Variants in AGBL5 observed in about 807,000 individuals in gnomAD.
AGBL5 encodes AGBL carboxypeptidase 5, also known as cytosolic carboxypeptidase-like protein 5.
A neutral mutation model predicts 88.0 loss-of-function variants in AGBL5; 51 were observed. The observed-to-expected ratio is 0.58, with a 90% CI of 0.46 to 0.73. The LOEUF is 0.73. Ranked by LOEUF, AGBL5 falls within the 30% of genes least tolerant of loss-of-function variation. The pLI is 0.00. For missense variants in AGBL5, 1,031 were observed against 1,162.2 expected (o/e 0.89, Z 1.64); for synonymous variants, 446 against 438.8 (o/e 1.02, Z -0.21).
Position 27,058,461 on chromosome 2 carries a change from T to C in AGBL5, c.1733T>C (p.Ile578Thr), listed in dbSNP as rs375155197. Residue 578 changes from isoleucine (I) to threonine (T), a missense_variant, in exon 10 of 15, where the codon ATT becomes ACT. Around this residue, in one of 2 missense-constraint regions of AGBL5, gnomAD observed 491 missense variants for 484.0 expected, o/e 1.01. Coordinates refer to ENST00000360131, the MANE Select transcript of AGBL5 (RefSeq NM_021831.6). ...DMAECNPWPR[I>T]VLSEHSSLTN... ...GCGGAATGTAATCCGTGGCCCCGAA[T>C]TGTACTGTCAGAGCACAGCAGCCTT... The C allele has an allele frequency of 1.5e-5, 25 of 1,613,926 alleles. No homozygotes were observed. Among genetic ancestry groups the C allele is most frequent in the South Asian group, 9.9e-5 (9 of 91,084 alleles).
rs995509773 is a variant in AGBL5, at chr2:27,051,702, T to G, written c.-138T>G. The G allele has an allele frequency of 7.2e-5, 11 of 152,296 alleles. No homozygotes were observed. Among genetic ancestry groups the G allele is most frequent in the African/African-American group, 2.4e-4 (10 of 41,556 alleles). 9.4% of individuals were successfully genotyped at this position (152,296 alleles called of 1,614,324 possible). ...TCCCGGCACCGCGGCGCTCGGGTGT[T>G]TTTGGGGGCCCGGGTGGAGGGCCCG... On this transcript the variant is annotated 5_prime_UTR_variant, in exon 1 of 15. Coordinates refer to ENST00000360131, the MANE Select transcript of AGBL5 (RefSeq NM_021831.6).
At position 27,067,589 on chromosome 2, in the gene AGBL5, C is replaced by T; in HGVS notation, c.2185C>T (p.Pro729Ser). 1 of 1,614,032 alleles carries T rather than the reference C, an allele frequency of 6.2e-7. No homozygotes were observed. Among genetic ancestry groups the T allele is most frequent in the South Asian group, 1.1e-5 (1 of 91,064 alleles). Reference protein sequence around the residue: ...APSPAPTSSGPASSHKLGSCL... With the variant: ...APSPAPTSSGSASSHKLGSCL... ...ATCCCCAGCTCCTACTAGTTCTGGC[C>T]CAGCCTCCTCACACAAGCTGGGCTC... The change falls in exon 12 of 15, where the codon CCA (proline) becomes TCA (serine). Residue 729 changes from proline (P) to serine (S), a missense_variant. By Grantham distance (74) the Pro-to-Ser change is moderately conservative. Coordinates refer to ENST00000360131, the MANE Select transcript of AGBL5 (RefSeq NM_021831.6).
In AGBL5 at chr2:27,052,995, C is replaced by T. The variant is rs745987547; in HGVS notation, c.37C>T (p.Arg13Cys). The change falls in exon 2 of 15, where the codon CGC (arginine) becomes TGC (cysteine). Residue 13 changes from arginine (R) to cysteine (C), a missense_variant. By Grantham distance (180) the Arg-to-Cys change is radical (BLOSUM62 -3). This residue lies in a region of AGBL5 where 540 missense variants were observed against 678.2 expected (regional missense o/e 0.80). Transcript: ENST00000360131. The stretch of plus-strand genomic sequence containing the variant: ...CTGTGGGGGATTGCTGTTCAGTTCT[C>T]GCTTTGATTCAGGGAATCTAGCCCA... ...LRCGGLLFSS[R>C]FDSGNLAHVE... The T allele has an allele frequency of 8.1e-6, 13 of 1,613,082 alleles. No individual in the cohort carries two copies. The highest frequency in any genetic ancestry group is 1.7e-5 in the Admixed American group (1 of 59,872).
intron 6 of AGBL5, 76 bp downstream of exon 6, chr2:27,055,329 C>T: frequency 6.5e-7 from 1 of 1,540,878 alleles, no homozygotes. Context: ...ATTCTGTCAG[C>T]CTTCTGGCTT....
chr2:27,050,659 C>A (rs963971594), upstream of AGBL5, among the ~76,000 whole-genome samples: 1 of 152,268 alleles, frequency 6.6e-6, no homozygotes, highest in African/African-American at 2.4e-5. Context: ...TTTCTCAGCT[C>A]TGTGAGGTCC....
intron 12 of AGBL5, 129 bp from the exon 13 acceptor site, chr2:27,068,503 C>T (rs2148305683): frequency 4.2e-6 from 3 of 719,110 alleles, no homozygotes; most frequent in East Asian, 2.7e-5. Flanking sequence ...ATGCACAAGA[C>T]TACTCCCCAC....
chr2:27,053,389 C>A lies in AGBL5; in HGVS notation c.216-13C>A, dbSNP rs1469436250. 1 of 1,613,372 alleles carries A rather than the reference C, an allele frequency of 6.2e-7. No homozygotes were observed. The highest frequency in any genetic ancestry group is 1.1e-5 in the South Asian group (1 of 90,948). Reference sequence around the variant, plus strand: ...TCCACACGTAATGACCTCTCTCTTACTCTGGTCCTCAGGTCATGGTTCTAC... The same window carrying A: ...TCCACACGTAATGACCTCTCTCTTAATCTGGTCCTCAGGTCATGGTTCTAC... On this transcript the variant is annotated splice_polypyrimidine_tract_variant and intron_variant, in intron 2 of 14. Transcript: ENST00000360131. The surrounding 1 kb of genome is among the most constrained non-coding windows in gnomAD (Gnocchi z 4.9).
At chr2:27,057,522 C>A in intron 9 of AGBL5, 84 bp downstream of exon 9, 1 of 1,442,760 alleles carries the variant, frequency 6.9e-7, no homozygotes, top group South Asian at 1.4e-5. Flanking sequence ...ACTCTAAGGT[C>A]CTTTGAAGAG....
At chr2:27,054,563 G>A in intron 4 of AGBL5, 67 bp from the exon 5 acceptor site, 3 of 1,491,482 alleles carry the variant, frequency 2.0e-6, no homozygotes, top group African/African-American at 1.4e-5. Flanking sequence ...TCCTGGGCTG[G>A]TGACAAGGCC....
chr2:27,056,717 G>T lies in AGBL5; in HGVS notation c.1460G>T (p.Arg487Leu). 1 of 1,613,896 alleles carries T rather than the reference G, an allele frequency of 6.2e-7. No individual in the cohort carries two copies. Among genetic ancestry groups the T allele is most frequent in the Non-Finnish European group, 8.5e-7 (1 of 1,179,842 alleles). The change falls in exon 8 of 15, where the codon CGA (arginine) becomes CTA (leucine). Residue 487 changes from arginine to leucine, a missense_variant. Around this residue, in one of 2 missense-constraint regions of AGBL5, gnomAD observed 540 missense variants for 678.2 expected, o/e 0.80. Coordinates refer to ENST00000360131, the MANE Select transcript of AGBL5 (RefSeq NM_021831.6). ...CNFSEKNMYA[R>L]DRRDGQSKEG... ...TTCTCAGAGAAGAATATGTATGCCC[G>T]AGACCGTAGAGATGGCCAGTCTAAA...
In AGBL5 at chr2:27,055,794, C is replaced by G; in HGVS notation, c.1021C>G (p.Arg341Gly). The G allele has an allele frequency of 3.1e-6, 5 of 1,614,214 alleles. No individual in the cohort carries two copies. Among genetic ancestry groups the G allele is most frequent in the Non-Finnish European group, 4.2e-6 (5 of 1,180,036 alleles). ...AVLLYHHVHSRLNSQSSSEHQ... is the reference protein window; with the variant it reads ...AVLLYHHVHSGLNSQSSSEHQ... ...GCTTCTCTACCACCATGTGCACTCT[C>G]GTCTGAACTCCCAGAGTTCCTCTGA... is the stretch of plus-strand genomic sequence containing the variant. The change falls in exon 7 of 15, where the codon CGT becomes GGT. Residue 341 changes from arginine (R) to glycine (G), a missense_variant. Transcript: ENST00000360131.
chr2:27,068,703 G>A lies in AGBL5; in HGVS notation c.2314G>A (p.Gly772Arg). 1.2e-6 allele frequency: 2 copies of A among 1,614,156 alleles called. No homozygotes were observed. Among genetic ancestry groups the A allele is most frequent in the Non-Finnish European group, 1.7e-6 (2 of 1,180,026 alleles). ...AVMVIGKGLLGTGARMPCIKT... is the reference protein window; with the variant it reads ...AVMVIGKGLLRTGARMPCIKT... ...CATGGTAATCGGGAAAGGTCTGCTA[G>A]GGACTGGAGCTCGGATGCCCTGCAT... is the stretch of plus-strand genomic sequence containing the variant. Residue 772 changes from glycine to arginine, a missense_variant, in exon 13 of 15, where the codon GGG becomes AGG. Around this residue, in one of 2 missense-constraint regions of AGBL5, gnomAD observed 491 missense variants for 484.0 expected, o/e 1.01. Coordinates refer to ENST00000360131, the MANE Select transcript of AGBL5 (RefSeq NM_021831.6).
chr2:27,059,483 T>A (rs369825056), intron 11 of AGBL5, 79 bp downstream of exon 11: 1 of 1,596,666 alleles, frequency 6.3e-7, no homozygotes. Context: ...CTTGAAGATA[T>A]ACTGTTGGCC....
chr2:27,069,989 T>C (rs1669197845), intron 14 of AGBL5, 103 bp from the exon 15 acceptor site: 1 of 1,530,864 alleles, frequency 6.5e-7, no homozygotes, highest in Non-Finnish European at 8.8e-7. Context: ...TCCTTACCCA[T>C]CTTCATCTCG....
At chr2:27,060,846 A>G (rs1299706462) in intron 11 of AGBL5, among the ~76,000 whole-genome samples, 2 of 152,256 alleles carry the variant, frequency 1.3e-5, no homozygotes, top group African/African-American at 4.8e-5. Context: ...CATAGCATTT[A>G]ACAGTGAACA....
In AGBL5 at chr2:27,069,718, G is replaced by A. The variant is rs767431156; in HGVS notation, c.2489+12G>A. Reference sequence around the variant, plus strand: ...TCTGCTACACCAGGGTGAGCACTTGGGTCCAGTCCCTCACACCACCCCTCA... The same window carrying A: ...TCTGCTACACCAGGGTGAGCACTTGAGTCCAGTCCCTCACACCACCCCTCA... On this transcript the variant is annotated intron_variant, in intron 14 of 14. Coordinates refer to ENST00000360131, the MANE Select transcript of AGBL5 (RefSeq NM_021831.6). The A allele has an allele frequency of 6.2e-7, 1 of 1,606,970 alleles. No individual in the cohort carries two copies. The highest frequency in any genetic ancestry group is 1.7e-5 in the Admixed American group (1 of 59,492).
rs1668485381 is a variant in AGBL5, at chr2:27,057,303, C to T, written c.1536C>T (p.Ser512=). Reference sequence around the variant, plus strand: ...ACTGATAAAGGTCTTTATGTCTTAGCTACACACTTGAATGCAACTACAACA... The same window carrying T: ...ACTGATAAAGGTCTTTATGTCTTAGTTACACACTTGAATGCAACTACAACA... The part of the protein sequence containing the change: ...AIYKASGIIH[S]YTLECNYNTG... Residue 512 remains serine (S), a splice_region_variant and synonymous_variant, in exon 9 of 15, where the codon AGC becomes AGT. Transcript: ENST00000360131. 1 of 1,611,952 alleles carries T rather than the reference C, an allele frequency of 6.2e-7. No homozygotes were observed. The highest frequency in any genetic ancestry group is 1.1e-5 in the South Asian group (1 of 90,718).
upstream of AGBL5, chr2:27,050,862 C>T (rs562681871): frequency 2.6e-5 from 4 of 152,340 alleles, no homozygotes; most frequent in Non-Finnish European, 2.9e-5. Context: ...TCGATTCCGG[C>T]TCGAAGGACT....
At chr2:27,067,732 G>T (rs751117062) in intron 12 of AGBL5, 86 bp downstream of exon 12, 1 of 1,482,998 alleles carries the variant, frequency 6.7e-7, no homozygotes, top group South Asian at 1.1e-5. Context: ...GGGAGACCAG[G>T]GGCATCACTT....
Sources: gnomAD v4.1 joint callset for allele counts (sites outside exome capture counted in the v4.1 genomes callset) on GRCh38, gnomAD v4.1.1 for gene constraint, gnomAD v4.1.1 regional missense constraint, Gnocchi (gnomAD v3.1) non-coding constraint, MANE v1.5 for transcripts, NCBI Gene and HGNC (gene_info 2026-07-23, HGNC 2026-07-21) for gene names.